GRK4: variants seen among roughly 807,000 people sequenced by gnomAD.
GRK4 encodes G protein-coupled receptor kinase 4.
Under a neutral mutation model 77.9 loss-of-function variants are expected in GRK4, and 73 were observed. The ratio of observed to expected loss-of-function variants is 0.94; its 90% confidence interval spans 0.78 to 1.14. The LOEUF (loss-of-function observed/expected upper bound fraction) is 1.14, where lower values mean the gene tolerates loss of function less well. Ranked by LOEUF, GRK4 falls within the 50% of genes most tolerant of loss-of-function variation. The probability of loss-of-function intolerance (pLI) is 0.00; values close to 1 mark genes in which losing one functional copy is unlikely to be tolerated. For synonymous variants in GRK4, 257 were observed against 254.4 expected, an observed-to-expected ratio of 1.01 and a Z score of -0.10; for missense variants, 729 against 700.2, an observed-to-expected ratio of 1.04 and a Z score of -0.46.
chr4:3,013,885 AGCCGACAT>A lies in GRK4; in HGVS notation c.741+62_741+69del, dbSNP rs150211211. 1.8e-3 allele frequency: 2,783 copies of A among 1,520,116 alleles called. 48 individuals carry two copies. The African/African-American group carries it at 0.036, about 19-fold the overall frequency. 94.2% of individuals were successfully genotyped at this position (1,520,116 alleles called of 1,614,324 possible). ...TTGTTTGATTCATAGCACTTTTGTCAGCCGACATGCCGCTCAGCTCACGCTCACTGAAG... is the reference window on the plus strand; with the variant it reads ...TTGTTTGATTCATAGCACTTTTGTCAGCCGCTCAGCTCACGCTCACTGAAG... On this transcript the variant is annotated intron_variant, in intron 8 of 15. Coordinates refer to ENST00000398052, the MANE Select transcript of GRK4 (RefSeq NM_182982.3).
At chr4:2,983,269 A>C (rs957872768) in intron 1 of GRK4, among the ~76,000 whole-genome samples, 1 of 152,210 alleles carries the variant, frequency 6.6e-6, no homozygotes, top group African/African-American at 2.4e-5. Context: ...TCGTGTTCCA[A>C]GGAAATGTGG....
chr4:2,975,528 G>A (rs1016874868), intron 1 of GRK4, among the ~76,000 whole-genome samples: 1 of 152,160 alleles, frequency 6.6e-6, no homozygotes, highest in African/African-American at 2.4e-5. Flanking sequence ...CCCTGTGCGG[G>A]TGGGGAACAT....
At position 3,014,759 on chromosome 4, in the gene GRK4, C is replaced by T. The variant is rs540797462; in HGVS notation, c.741+931C>T. ...TTGCAGTGAGCTGAGATTGCACCAC[C>T]GCACTCCAGCCTGGGCAACAGAGCG... is the stretch of plus-strand genomic sequence containing the variant. On this transcript the variant is annotated intron_variant, in intron 8 of 15. Transcript: ENST00000398052. Among the ~76,000 whole-genome samples, 40 of 151,884 alleles carry T rather than the reference C, an allele frequency of 2.6e-4. No homozygotes were observed. In the South Asian group the frequency reaches 3.5e-3, roughly 13 times the overall value.
chr4:2,964,862 T>C (rs1249348847), intron 1 of GRK4, among the ~76,000 whole-genome samples: 1 of 152,080 alleles, frequency 6.6e-6, no homozygotes, highest in Non-Finnish European at 1.5e-5. Context: ...TTAAGGACAG[T>C]TATAAGATAA....
chr4:2,970,198 G>A (rs1719063051), intron 1 of GRK4, among the ~76,000 whole-genome samples: 1 of 152,114 alleles, frequency 6.6e-6, no homozygotes, highest in Non-Finnish European at 1.5e-5. Context: ...AATCAGCCAG[G>A]TTATTAGCAA....
intron 7 of GRK4, among the ~76,000 whole-genome samples, chr4:3,012,434 A>G (rs1205544165): frequency 6.6e-6 from 1 of 152,236 alleles, no homozygotes; most frequent in Non-Finnish European, 1.5e-5. Context: ...ATAGAGCAAA[A>G]TATTAACAGT....
At chr4:2,969,603 C>A (rs889351657) in intron 1 of GRK4, among the ~76,000 whole-genome samples, 1 of 151,828 alleles carries the variant, frequency 6.6e-6, no homozygotes, top group Non-Finnish European at 1.5e-5. Context: ...CTCGAACTCC[C>A]AACCTCAGGT....
chr4:3,030,863 G>A (rs1738961830), intron 12 of GRK4, among the ~76,000 whole-genome samples: 1 of 152,230 alleles, frequency 6.6e-6, no homozygotes, highest in East Asian at 1.9e-4. Flanking sequence ...CCATCGCAGG[G>A]CTCTGTGAAG....
rs1024092359 is a variant in GRK4 at position 2,963,757 on chromosome 4, G to T, written c.-314G>T. The T allele has an allele frequency of 4.4e-6, 2 of 453,438 alleles. No homozygotes were observed. The highest frequency in any genetic ancestry group is 3.9e-6 in the Non-Finnish European group (1 of 256,654). 28.1% of individuals were successfully genotyped at this position (453,438 alleles called of 1,614,324 possible). A position where few individuals can be genotyped will look rare whatever the true frequency, so the allele number is the denominator to read the frequency against. On this transcript the variant is annotated 5_prime_UTR_variant, in exon 1 of 16. Coordinates refer to ENST00000398052, the MANE Select transcript of GRK4 (RefSeq NM_182982.3). ...GCACTGAGGAGGGAGTTGCGCGCGC[G>T]AGGCGAGGGCGATGGGGCCAAGAAG...
chr4:2,973,490 CG>C (rs1720187187), intron 1 of GRK4, among the ~76,000 whole-genome samples: 1 of 152,132 alleles, frequency 6.6e-6, no homozygotes, highest in Non-Finnish European at 1.5e-5. Context: ...CTCATTGGTA[CG>C]AGAAAGAGCC....
intron 8 of GRK4, among the ~76,000 whole-genome samples, chr4:3,016,750 A>C (rs553485419): frequency 2.6e-5 from 4 of 151,938 alleles, no homozygotes; most frequent in Admixed American, 6.6e-5. Flanking sequence ...AACAAAAAAA[A>C]CCCCCGTGTA....
intron 1 of GRK4, among the ~76,000 whole-genome samples, chr4:2,981,053 C>T (rs988317294): frequency 2.0e-5 from 3 of 152,262 alleles, no homozygotes; most frequent in African/African-American, 4.8e-5. Context: ...CTAGACCAAG[C>T]GTACTGCAAG....
At chr4:3,015,361 T>C (rs1044317742) in intron 8 of GRK4, among the ~76,000 whole-genome samples, 2 of 152,198 alleles carry the variant, frequency 1.3e-5, no homozygotes, top group African/African-American at 4.8e-5. Context: ...ATGTTCCCAG[T>C]GTACCTTCAC....
chr4:2,982,489 G>T (rs1398900759), intron 1 of GRK4, among the ~76,000 whole-genome samples: 2 of 152,238 alleles, frequency 1.3e-5, no homozygotes, highest in Non-Finnish European at 2.9e-5. Context: ...CTTGTTCTCT[G>T]CTCAATGATT....
In GRK4 at chr4:2,988,742, G is replaced by A; in HGVS notation, c.164G>A (p.Ser55Asn). ...LRHSIEKDYS[S>N]LCDKQPIGRR... Reference sequence around the variant, plus strand: ...CTTCACCCAGAAAAGGATTATAGCAGTCTTTGTGACAAGCAACCGATAGGA... The same window carrying A: ...CTTCACCCAGAAAAGGATTATAGCAATCTTTGTGACAAGCAACCGATAGGA... Residue 55 changes from serine to asparagine, a missense_variant, in exon 3 of 16, where the codon AGT becomes AAT. Coordinates refer to ENST00000398052, the MANE Select transcript of GRK4 (RefSeq NM_182982.3). The A allele has an allele frequency of 6.2e-7, 1 of 1,607,340 alleles. No homozygotes were observed. Among genetic ancestry groups the A allele is most frequent in the Non-Finnish European group, 8.5e-7 (1 of 1,173,936 alleles).
intron 11 of GRK4, 86 bp downstream of exon 11, chr4:3,028,087 C>T: frequency 8.5e-7 from 1 of 1,177,830 alleles, no homozygotes; most frequent in Non-Finnish European, 1.3e-6. Flanking sequence ...CCTGAATGGA[C>T]CGGGGCCTCG....
At chr4:2,981,233 C>A (rs1722775576) in intron 1 of GRK4, among the ~76,000 whole-genome samples, 1 of 152,244 alleles carries the variant, frequency 6.6e-6, no homozygotes, top group Admixed American at 6.5e-5. Flanking sequence ...TTCTCATCAC[C>A]CACAACGTGG....
intron 12 of GRK4, among the ~76,000 whole-genome samples, chr4:3,030,091 A>C (rs183744915): frequency 1.3e-5 from 2 of 152,320 alleles, no homozygotes; most frequent in Non-Finnish European, 2.9e-5. Flanking sequence ...GAGGTGGGTA[A>C]GGGTTTAGCC....
In GRK4 at chr4:3,007,792, A is replaced by C. The variant is rs373331769; in HGVS notation, c.500A>C (p.Tyr167Ser). ...TTTGAAGAATACCAAGAAAGCTCAT[A>C]TTTTTCTCAGTTTTTACAATGGAAA... The part of the protein sequence containing the change: ...EPFEEYQESS[Y>S]FSQFLQWKWL... Residue 167 changes from tyrosine to serine, a missense_variant, in exon 6 of 16, where the codon TAT (tyrosine) becomes TCT (serine). By Grantham distance (144) the Tyr-to-Ser change is moderately radical (BLOSUM62 -2). Coordinates refer to ENST00000398052, the MANE Select transcript of GRK4 (RefSeq NM_182982.3). 3 of 1,611,970 alleles carry C rather than the reference A, an allele frequency of 1.9e-6. No homozygotes were observed. The African/African-American group carries it at 4.0e-5, about 22-fold the overall frequency.
Sources: allele counts gnomAD v4.1 joint callset (sites outside exome capture counted in the v4.1 genomes callset), GRCh38; gene constraint gnomAD v4.1.1; transcripts MANE v1.5; gene names NCBI Gene and HGNC (gene_info 2026-07-23, HGNC 2026-07-21).